Variants in CNTNAP2 observed in about 807,000 individuals in gnomAD.
The protein encoded by CNTNAP2 is contactin-associated protein-like 2.
A neutral mutation model predicts 155.2 loss-of-function variants in CNTNAP2; 98 were observed. The observed-to-expected ratio is 0.63, with a 90% CI of 0.54 to 0.75. The LOEUF (loss-of-function observed/expected upper bound fraction) is 0.75, where lower values mean the gene tolerates loss of function less well. Among genes scored for constraint, CNTNAP2 ranks in the 30% least tolerant of loss-of-function variants. CNTNAP2 has a pLI of 0.00. For synonymous variants in CNTNAP2, 651 were observed against 631.2 expected, an observed-to-expected ratio of 1.03 and a Z score of -0.47; for missense variants, 1,727 against 1,688.1, an observed-to-expected ratio of 1.02 and a Z score of -0.40.
At chr7:146,347,686 C>T (rs1794839566) in intron 1 of CNTNAP2, among the ~76,000 whole-genome samples, 2 of 152,166 alleles carry the variant, frequency 1.3e-5, no homozygotes, top group Admixed American at 6.5e-5. Context: ...CTGCCTCAGA[C>T]TCCCAAATAG....
At chr7:147,937,044 T>TCACCAC (rs151046019) in intron 14 of CNTNAP2, among the ~76,000 whole-genome samples, 3 of 150,382 alleles carry the variant, frequency 2.0e-5, no homozygotes, top group East Asian at 2.0e-4. Flanking sequence ...CCTCACCCCC[T>TCACCAC]CACCACCACC....
intron 1 of CNTNAP2, among the ~76,000 whole-genome samples, chr7:146,614,933 A>G (rs755004949): frequency 1.1e-4 from 17 of 152,320 alleles, no homozygotes; most frequent in South Asian, 2.1e-4. Context: ...ATATATCCAT[A>G]TTTCACAGAC....
intron 12 of CNTNAP2, among the ~76,000 whole-genome samples, chr7:147,598,634 G>A (rs1175313373): frequency 2.0e-5 from 3 of 152,162 alleles, no homozygotes; most frequent in Non-Finnish European, 1.5e-5. Flanking sequence ...GCCCTACACT[G>A]TGAGCTTACT....
rs544310589 is a variant in CNTNAP2 at position 147,639,362 on chromosome 7, T to G, written c.2098+56T>G. The G allele has an allele frequency of 3.4e-4, 516 of 1,528,154 alleles. 1 individual carries two copies. The highest frequency in any genetic ancestry group is 1.6e-3 in the African/African-American group (117 of 73,156). The allele number at this position is 1,528,154 out of a possible 1,614,324, so 94.7% of individuals were successfully genotyped here. On this transcript the variant is annotated intron_variant, in intron 13 of 23. Coordinates refer to ENST00000361727, the MANE Select transcript of CNTNAP2 (RefSeq NM_014141.6). ...CACTATCTCAGCTGGTGCTTAGAATTGCCTAAAGAATCCAACAGGTGTGGT... is the reference window on the plus strand; with the variant it reads ...CACTATCTCAGCTGGTGCTTAGAATGGCCTAAAGAATCCAACAGGTGTGGT...
rs111925960 is a variant in CNTNAP2, at chr7:148,366,143, T to C, written c.3476-17506T>C. ...ATGTGTATGCATGTATGCATGTATG[T>C]GTATGCATGTATGCATGTATGTGTG... On this transcript the variant is annotated intron_variant, in intron 21 of 23. Transcript: ENST00000361727. Among the ~76,000 whole-genome samples, 4 of 30,784 alleles carry C rather than the reference T, an allele frequency of 1.3e-4. 2 individuals are homozygous for C. Among genetic ancestry groups the C allele is most frequent in the Admixed American group, 1.5e-3 (2 of 1,326 alleles). The allele number at this position is 30,784 out of a possible 152,430, so 20.2% of individuals were successfully genotyped here. A position where few individuals can be genotyped will look rare whatever the true frequency, so the allele number is the denominator to read the frequency against.
At chr7:146,672,817 A>T (rs547543158) in intron 1 of CNTNAP2, among the ~76,000 whole-genome samples, 24 of 152,258 alleles carry the variant, frequency 1.6e-4, no homozygotes, top group African/African-American at 5.8e-4. Flanking sequence ...AATGTGTACA[A>T]TTGCAATCTC....
intron 1 of CNTNAP2, among the ~76,000 whole-genome samples, chr7:146,751,247 G>C (rs1449912324): frequency 6.6e-6 from 1 of 152,144 alleles, no homozygotes; most frequent in East Asian, 1.9e-4. Context: ...ATACACATTT[G>C]AGCATACAAA....
At chr7:147,603,858 T>G (rs1033857175) in intron 12 of CNTNAP2, among the ~76,000 whole-genome samples, 8 of 152,144 alleles carry the variant, frequency 5.3e-5, no homozygotes, top group African/African-American at 1.9e-4. Flanking sequence ...AGCATGGTAC[T>G]GGTACTAAAA....
chr7:146,677,919 T>G (rs1800431264), intron 1 of CNTNAP2, among the ~76,000 whole-genome samples: 1 of 152,116 alleles, frequency 6.6e-6, no homozygotes, highest in African/African-American at 2.4e-5. Flanking sequence ...AAGGCATGAC[T>G]GATGTCCCAC....
At chr7:147,281,621 C>T (rs1429889156) in intron 8 of CNTNAP2, among the ~76,000 whole-genome samples, 1 of 151,418 alleles carries the variant, frequency 6.6e-6, no homozygotes, top group Non-Finnish European at 1.5e-5. Flanking sequence ...TAAATAATCC[C>T]TACAATACTA....
At chr7:147,863,891 A>G (rs78747663) in intron 13 of CNTNAP2, among the ~76,000 whole-genome samples, 106,563 of 151,486 alleles carry the variant, frequency 0.7, 37,683 homozygotes, top group Middle Eastern at 0.8. Context: ...TGTTCACTCC[A>G]ATGATAGTTT....
chr7:147,286,709 CT>C (rs1291418498), intron 8 of CNTNAP2, among the ~76,000 whole-genome samples: 2 of 152,058 alleles, frequency 1.3e-5, no homozygotes, highest in Non-Finnish European at 2.9e-5. Context: ...TCATTAGCTT[CT>C]CAATATACAC....
In CNTNAP2 at chr7:147,999,856, G is replaced by A. The variant is rs569398724; in HGVS notation, c.2383+21867G>A. Among the ~76,000 whole-genome samples, 3 of 152,290 alleles carry A rather than the reference G, an allele frequency of 2.0e-5. No individual in the cohort carries two copies. The South Asian group carries it at 6.2e-4, about 32-fold the overall frequency. On this transcript the variant is annotated intron_variant, in intron 15 of 23. Coordinates refer to ENST00000361727, the MANE Select transcript of CNTNAP2 (RefSeq NM_014141.6). ...GGATTGCCGGCTACTGCCAGAGCCTGGGAGAGAGGCACGGGTGAACATTCT... is the reference window on the plus strand; with the variant it reads ...GGATTGCCGGCTACTGCCAGAGCCTAGGAGAGAGGCACGGGTGAACATTCT...
intron 1 of CNTNAP2, among the ~76,000 whole-genome samples, chr7:146,359,868 A>G (rs1394982805): frequency 6.6e-6 from 1 of 151,832 alleles, no homozygotes; most frequent in Non-Finnish European, 1.5e-5. Context: ...TTGTGATGAT[A>G]TCTCAAATAA....
intron 1 of CNTNAP2, among the ~76,000 whole-genome samples, chr7:146,453,777 T>C (rs1035419788): frequency 3.3e-5 from 5 of 152,146 alleles, no homozygotes; most frequent in African/African-American, 1.2e-4. Context: ...ATAAAATGCA[T>C]AGGCTGTGAC....
chr7:147,062,161 A>C (rs1036170842), intron 4 of CNTNAP2, among the ~76,000 whole-genome samples: 4 of 132,998 alleles, frequency 3.0e-5, no homozygotes, highest in Non-Finnish European at 6.2e-5. Flanking sequence ...AAAAAAAAAA[A>C]AAAAAAAAAC....
At chr7:146,333,562 T>A (rs182901292) in intron 1 of CNTNAP2, among the ~76,000 whole-genome samples, 14 of 152,282 alleles carry the variant, frequency 9.2e-5, no homozygotes, top group Non-Finnish European at 1.5e-4. Context: ...TGTTTTTATG[T>A]AAGGAGAGGA....
chr7:146,230,906 T>A (rs1013293408), intron 1 of CNTNAP2, among the ~76,000 whole-genome samples: 1 of 151,946 alleles, frequency 6.6e-6, no homozygotes, highest in Non-Finnish European at 1.5e-5. Context: ...TCCCAGCTAT[T>A]TGGGAGGCTG....
At chr7:146,374,925 A>G (rs1274748268) in intron 1 of CNTNAP2, among the ~76,000 whole-genome samples, 2 of 152,238 alleles carry the variant, frequency 1.3e-5, no homozygotes, top group Non-Finnish European at 2.9e-5. Context: ...TTACGCTGAT[A>G]TGCTAGTTTA....
Sources: gnomAD v4.1 joint callset for allele counts (sites outside exome capture counted in the v4.1 genomes callset) on GRCh38, gnomAD v4.1.1 for gene constraint, MANE v1.5 for transcripts, NCBI Gene and HGNC (gene_info 2026-07-23, HGNC 2026-07-21) for gene names.